IL1RAPL1: variants seen among roughly 807,000 people sequenced by gnomAD.
IL1RAPL1 encodes interleukin-1 receptor accessory protein-like 1.
Under a neutral mutation model 48.4 loss-of-function variants are expected in IL1RAPL1, and 3 were observed. The observed-to-expected ratio is 0.06, with a 90% CI of 0.03 to 0.16. The LOEUF is 0.16. IL1RAPL1 is among the 10% of genes least tolerant of loss of function. The probability of loss-of-function intolerance (pLI) is 1.00; values close to 1 mark genes in which losing one functional copy is unlikely to be tolerated. For missense variants in IL1RAPL1, 349 were observed against 530.6 expected, an observed-to-expected ratio of 0.66 and a Z score of 3.36; for synonymous variants, 185 against 187.7, an observed-to-expected ratio of 0.99 and a Z score of 0.12.
chrX:29,837,272 A>AAATATAT (rs1447926305), intron 6 of IL1RAPL1, among the ~76,000 whole-genome samples: 3 of 72,146 alleles, frequency 4.2e-5, no homozygotes, highest in African/African-American at 1.2e-4. Flanking sequence ...AAAAAAAAAA[A>AAATATAT]ATATATATAT....
At position 28,847,326 on chromosome X, in the gene IL1RAPL1, C is replaced by T. The variant is rs755218879; in HGVS notation, c.82+57901C>T. ...CCCTTGTCTCTCACCTGTTTTATTT[C>T]AATAGTCTTGTTACTGTTTTCTCTG... is the stretch of plus-strand genomic sequence containing the variant. On this transcript the variant is annotated intron_variant, in intron 2 of 10. Coordinates refer to ENST00000378993, the MANE Select transcript of IL1RAPL1 (RefSeq NM_014271.4). Among the ~76,000 whole-genome samples, 5 of 111,553 alleles carry T rather than the reference C, an allele frequency of 4.5e-5. No individual in the cohort carries two copies. In the Admixed American group the frequency reaches 4.8e-4, roughly 11 times the overall value.
intron 2 of IL1RAPL1, among the ~76,000 whole-genome samples, chrX:29,110,165 T>C (rs752186908): frequency 8.9e-6 from 1 of 112,279 alleles, no homozygotes; most frequent in Admixed American, 9.5e-5. Flanking sequence ...CTTTATGTAA[T>C]GATCAAGTCC....
intron 9 of IL1RAPL1, among the ~76,000 whole-genome samples, chrX:29,953,246 G>T (rs774313513): frequency 8.9e-6 from 1 of 111,935 alleles, no homozygotes; most frequent in East Asian, 2.8e-4. Context: ...GCAATAGAGA[G>T]CTAAAGACAT....
rs1340180913 is a variant in IL1RAPL1 at position 29,734,470 on chromosome X, C to A, written c.778+65966C>A. ...CACCAGGACAGGACGCGGTACAGAG[C>A]AATCCACACTCCAGCTCCCCAACTT... On this transcript the variant is annotated intron_variant, in intron 6 of 10. Transcript: ENST00000378993. Among the ~76,000 whole-genome samples the A allele has an allele frequency of 2.7e-5, 3 of 111,982 alleles. No homozygotes were observed. The East Asian group carries it at 8.4e-4, about 31-fold the overall frequency.
At chrX:29,915,305 G>C (rs1319774707) in intron 6 of IL1RAPL1, among the ~76,000 whole-genome samples, 1 of 111,513 alleles carries the variant, frequency 9.0e-6, no homozygotes, top group Middle Eastern at 4.2e-3. Flanking sequence ...TCTGGGTTTA[G>C]GGGCGGGGGA....
chrX:29,863,356 T>A (rs1931629563), intron 6 of IL1RAPL1, among the ~76,000 whole-genome samples: 1 of 112,171 alleles, frequency 8.9e-6, no homozygotes, highest in Non-Finnish European at 1.9e-5. Context: ...AGCGACCATG[T>A]TCCTTTAATT....
rs776204941 is a variant in IL1RAPL1, at chrX:28,752,165, A to G, written c.-24-37155A>G. 4.5e-5 allele frequency among the ~76,000 whole-genome samples: 5 copies of G among 111,940 alleles called. No homozygotes were observed. The East Asian group carries it at 1.4e-3, about 32-fold the overall frequency. ...AATTGTTCAATTACCTAATGTTCTAATGCATTTTTAACATTCTCTCCATTT... is the reference window on the plus strand; with the variant it reads ...AATTGTTCAATTACCTAATGTTCTAGTGCATTTTTAACATTCTCTCCATTT... On this transcript the variant is annotated intron_variant, in intron 1 of 10. Transcript: ENST00000378993.
rs747182215 is a variant in IL1RAPL1, at chrX:29,374,286, C to CT, written c.363-21945dup. On this transcript the variant is annotated intron_variant, in intron 3 of 10. Transcript: ENST00000378993. Reference sequence around the variant, plus strand: ...ATCCAGGGCTTTTTCTGGTTGGTTGCTTTTTTTTTTTTTTTTTTTTTTTTT... The same window carrying CT: ...ATCCAGGGCTTTTTCTGGTTGGTTGCTTTTTTTTTTTTTTTTTTTTTTTTTT... Among the ~76,000 whole-genome samples, 36 of 4,752 alleles carry CT rather than the reference C, an allele frequency of 7.6e-3. 2 individuals are homozygous for CT. The highest frequency in any genetic ancestry group is 0.019 in the African/African-American group (35 of 1,855). 4.1% of individuals were successfully genotyped at this position (4,752 alleles called of 115,157 possible).
intron 1 of IL1RAPL1, among the ~76,000 whole-genome samples, chrX:28,696,757 C>G (rs934650387): frequency 3.6e-5 from 4 of 111,653 alleles, no homozygotes; most frequent in African/African-American, 1.3e-4. Context: ...ATCTGTCTAA[C>G]TAAACAGACA....
chrX:29,173,464 C>T (rs974679162), intron 2 of IL1RAPL1, among the ~76,000 whole-genome samples: 12 of 111,554 alleles, frequency 1.1e-4, no homozygotes, highest in African/African-American at 3.6e-4. Context: ...ATGAAAGGAA[C>T]AGAAAATTCA....
intron 3 of IL1RAPL1, among the ~76,000 whole-genome samples, chrX:29,372,837 A>G (rs1419671567): frequency 1.2e-5 from 1 of 82,332 alleles, no homozygotes; most frequent in East Asian, 3.8e-4. Flanking sequence ...GCCTTATGGT[A>G]TAGTTCAAAG....
chrX:28,837,976 G>C (rs1921269009), intron 2 of IL1RAPL1, among the ~76,000 whole-genome samples: 1 of 110,040 alleles, frequency 9.1e-6, no homozygotes, highest in South Asian at 3.8e-4. Context: ...GTTTTCCTAG[G>C]TGTTATTATC....
At chrX:29,871,809 C>T (rs374522733) in intron 6 of IL1RAPL1, among the ~76,000 whole-genome samples, 1 of 110,897 alleles carries the variant, frequency 9.0e-6, no homozygotes, top group African/African-American at 3.3e-5. Context: ...CTGCAACCTC[C>T]GCCTCCCAGG....
chrX:29,808,292 A>G (rs1422312920), intron 6 of IL1RAPL1, among the ~76,000 whole-genome samples: 1 of 112,086 alleles, frequency 8.9e-6, no homozygotes, highest in Non-Finnish European at 1.9e-5. Flanking sequence ...GCTTAATGGT[A>G]ATTTTTTTTA....
rs769693942 is a variant in IL1RAPL1 at position 29,000,118 on chromosome X, C to A, written c.82+210693C>A. Among the ~76,000 whole-genome samples, 7 of 111,156 alleles carry A rather than the reference C, an allele frequency of 6.3e-5. No individual in the cohort carries two copies. The East Asian group carries it at 2.0e-3, about 32-fold the overall frequency. ...CTGAAAACCTTGCCTTTATCAAAGACAGAACATTTCCTGAATCTCCCGATG... is the reference window on the plus strand; with the variant it reads ...CTGAAAACCTTGCCTTTATCAAAGAAAGAACATTTCCTGAATCTCCCGATG... On this transcript the variant is annotated intron_variant, in intron 2 of 10. Transcript: ENST00000378993.
chrX:29,443,854 T>C (rs1238761929), intron 5 of IL1RAPL1, among the ~76,000 whole-genome samples: 1 of 111,453 alleles, frequency 9.0e-6, no homozygotes, highest in Non-Finnish European at 1.9e-5. Context: ...AGGCTCATTC[T>C]TATGTTGATG....
chrX:29,950,844 AT>A (rs1255745760), intron 9 of IL1RAPL1, among the ~76,000 whole-genome samples: 1 of 108,912 alleles, frequency 9.2e-6, no homozygotes, highest in Non-Finnish European at 1.9e-5. Context: ...GCCTGGCTAA[AT>A]TTTTTTGTAT....
chrX:29,285,833 C>T (rs1348838550), intron 3 of IL1RAPL1, among the ~76,000 whole-genome samples: 2 of 111,453 alleles, frequency 1.8e-5, no homozygotes, highest in Non-Finnish European at 3.8e-5. Flanking sequence ...AAAGTCTTTA[C>T]AAACAGCATT....
chrX:28,595,646 A>G (rs1933946005), intron 1 of IL1RAPL1, among the ~76,000 whole-genome samples: 1 of 112,234 alleles, frequency 8.9e-6, no homozygotes, highest in South Asian at 3.7e-4. Flanking sequence ...TTTATTTCAG[A>G]AGAGACACAG....
Sources: allele counts gnomAD v4.1 joint callset (sites outside exome capture counted in the v4.1 genomes callset), GRCh38; gene constraint gnomAD v4.1.1; transcripts MANE v1.5; gene names NCBI Gene and HGNC (gene_info 2026-07-23, HGNC 2026-07-21).